Variants in TJP2 observed in about 807,000 individuals in gnomAD.
TJP2 encodes tight junction protein 2.
In TJP2, 91 loss-of-function variants were observed where a neutral mutation model predicts 133.1. The observed-to-expected ratio is 0.68, with a 90% confidence interval of 0.58 to 0.81. The LOEUF (loss-of-function observed/expected upper bound fraction) is 0.81. Ranked by LOEUF, TJP2 falls within the 40% of genes least tolerant of loss-of-function variation. The pLI, the probability that TJP2 is intolerant of heterozygous loss-of-function variation, is 0.00. For synonymous variants in TJP2, 592 were observed against 583.4 expected (o/e 1.01, Z -0.21); for missense variants, 1,541 against 1,565.6 (o/e 0.98, Z 0.26).
chr9:69,155,826 C>T (rs975112608), intron 2 of TJP2, among the ~76,000 whole-genome samples: 4 of 152,134 alleles, frequency 2.6e-5, no homozygotes, highest in African/African-American at 9.7e-5. Flanking sequence ...GGCAGAAGGC[C>T]TGAAGCAGTG....
intron 1 of TJP2, among the ~76,000 whole-genome samples, chr9:69,203,844 C>T (rs11145662): frequency 6.6e-6 from 1 of 151,980 alleles, no homozygotes; most frequent in African/African-American, 2.4e-5. Flanking sequence ...GAACTTCTGG[C>T]TCAAGCGATC....
At position 69,238,731 on chromosome 9, in the gene TJP2, G is replaced by T. The variant is rs1272933589; in HGVS notation, c.2297G>T (p.Gly766Val). 1.2e-6 allele frequency: 2 copies of T among 1,613,850 alleles called. No individual in the cohort carries two copies. The highest frequency in any genetic ancestry group is 1.7e-6 in the Non-Finnish European group (2 of 1,179,920). The change falls in exon 16 of 23, where the codon GGA (glycine) becomes GTA (valine). Residue 766 changes from glycine (G) to valine (V), a missense_variant. Physicochemically the swap from Gly to Val is moderately radical, Grantham distance 109. Transcript: ENST00000377245. The part of the protein sequence containing the change: ...QTAKTEPKDA[G>V]SEKSTGVVRL... ...GCAGAAACGGAACCAAAAGATGCAGGATCTGAGAAATCCACTGGAGTGGTC... is the reference window on the plus strand; with the variant it reads ...GCAGAAACGGAACCAAAAGATGCAGTATCTGAGAAATCCACTGGAGTGGTC...
chr9:69,233,482 A>G (rs1829940132), intron 11 of TJP2, among the ~76,000 whole-genome samples: 2 of 152,210 alleles, frequency 1.3e-5, no homozygotes, highest in Non-Finnish European at 2.9e-5. Flanking sequence ...TGAAAGATAC[A>G]GAACTATGGG....
rs12343308 is a variant in TJP2 at position 69,168,292 on chromosome 9, C to T, written c.-10+16521C>T. ...ATAAAGTCAGCTTTGTTCTCTATTTCTAGAACCATCATGTATTGGAATGAG... is the reference window on the plus strand; with the variant it reads ...ATAAAGTCAGCTTTGTTCTCTATTTTTAGAACCATCATGTATTGGAATGAG... On this transcript the variant is annotated intron_variant, in intron 2 of 5. Coordinates refer to the TJP2 transcript ENST00000423935. Among the ~76,000 whole-genome samples the T allele has an allele frequency of 9.4e-3, 1,426 of 152,198 alleles. 30 individuals are homozygous for T. Among genetic ancestry groups the T allele is most frequent in the African/African-American group, 0.031 (1,306 of 41,514 alleles).
intron 1 of TJP2, among the ~76,000 whole-genome samples, chr9:69,139,232 CCAAA>C (rs1822909909): frequency 6.6e-6 from 1 of 152,104 alleles, no homozygotes; most frequent in Admixed American, 6.6e-5. Context: ...AACCAACCAA[CCAAA>C]CAAAATGTTT....
chr9:69,210,794 T>C (rs969459221), intron 1 of TJP2, among the ~76,000 whole-genome samples: 1 of 151,438 alleles, frequency 6.6e-6, no homozygotes, highest in African/African-American at 2.4e-5. Context: ...GGTCTCACTA[T>C]GTTGCTCAGG....
At chr9:69,213,884 T>G (rs547331716) in intron 2 of TJP2, among the ~76,000 whole-genome samples, 2 of 152,264 alleles carry the variant, frequency 1.3e-5, no homozygotes, top group South Asian at 4.1e-4. Context: ...TTCAAAGCCA[T>G]GTGATTAATA....
intron 13 of TJP2, among the ~76,000 whole-genome samples, chr9:69,236,574 C>T (rs1301147090): frequency 6.6e-6 from 1 of 152,142 alleles, no homozygotes; most frequent in Non-Finnish European, 1.5e-5. Context: ...GTCCGGTGCC[C>T]AGTCTCCATC....
At chr9:69,200,788 G>C (rs1391621688) in intron 1 of TJP2, among the ~76,000 whole-genome samples, 1 of 152,016 alleles carries the variant, frequency 6.6e-6, no homozygotes, top group African/African-American at 2.4e-5. Flanking sequence ...TACTAAGCTT[G>C]TTTCCCACCC....
chr9:69,215,989 G>C (rs924962806), intron 2 of TJP2, among the ~76,000 whole-genome samples: 6 of 152,264 alleles, frequency 3.9e-5, no homozygotes, highest in Non-Finnish European at 8.8e-5. Context: ...GTTCCAGCTC[G>C]GGCCAGCATG....
At chr9:69,195,321 G>A (rs1345951327) in intron 1 of TJP2, among the ~76,000 whole-genome samples, 1 of 152,060 alleles carries the variant, frequency 6.6e-6, no homozygotes, top group African/African-American at 2.4e-5. Flanking sequence ...CTTATTAATG[G>A]CTTCTTTGTA....
intron 1 of TJP2, 36 bp downstream of exon 1, chr9:69,174,468 G>GAGC (rs1564402229): frequency 6.6e-7 from 1 of 1,525,690 alleles, no homozygotes; most frequent in African/African-American, 1.4e-5. Flanking sequence ...TTGGGAGGAG[G>GAGC]GTCGTGAGCG....
Position 69,251,299 on chromosome 9 carries a change from GAGA to G in TJP2, c.3260_3262del (p.Lys1087del). 1.2e-6 allele frequency: 2 copies of G among 1,614,202 alleles called. No individual in the cohort carries two copies. The highest frequency in any genetic ancestry group is 1.7e-6 in the Non-Finnish European group (2 of 1,180,040). ...AGTCCTGGGCAAAGTCAAAATATTT[GAGA>G]AGATGGATCACAAGGCCAGGTTACA... On this transcript the variant is annotated inframe_deletion, in exon 21 of 23. Coordinates refer to ENST00000377245, the MANE Select transcript of TJP2 (RefSeq NM_004817.4).
At chr9:69,137,466 G>A (rs765198933) in intron 1 of TJP2, among the ~76,000 whole-genome samples, 5 of 150,762 alleles carry the variant, frequency 3.3e-5, no homozygotes, top group African/African-American at 7.3e-5. Flanking sequence ...AGGCTCAAAC[G>A]ATCCTCTCGC....
intron 5 of TJP2, among the ~76,000 whole-genome samples, chr9:69,222,051 T>C (rs750785783): frequency 2.4e-4 from 37 of 151,754 alleles, no homozygotes; most frequent in Non-Finnish European, 5.0e-4. Context: ...TTTTTATTTT[T>C]AGTAGAGACG....
At chr9:69,178,979 T>TA (rs1025969880) in intron 1 of TJP2, among the ~76,000 whole-genome samples, 1 of 151,476 alleles carries the variant, frequency 6.6e-6, no homozygotes, top group African/African-American at 2.4e-5. Context: ...TTTTCTTATT[T>TA]TTTTTTTAAT....
At chr9:69,246,208 A>G (rs1480798565) in intron 17 of TJP2, 1 of 196,912 alleles carries the variant, frequency 5.1e-6, no homozygotes, top group Non-Finnish European at 1.1e-5. Context: ...GGATTTTGGT[A>G]TCCAAGTGGG....
At chr9:69,186,995 TG>T (rs1270796220) in intron 1 of TJP2, among the ~76,000 whole-genome samples, 1 of 152,186 alleles carries the variant, frequency 6.6e-6, no homozygotes, top group East Asian at 1.9e-4. Flanking sequence ...GAAACAGGAC[TG>T]GGCTAAAAAT....
intron 13 of TJP2, among the ~76,000 whole-genome samples, chr9:69,236,473 C>G (rs1432846418): frequency 6.6e-6 from 1 of 152,108 alleles, no homozygotes. Context: ...GAACAACTTC[C>G]TAAGGAGCAT....
Sources: gnomAD v4.1 joint callset for allele counts (sites outside exome capture counted in the v4.1 genomes callset) on GRCh38, gnomAD v4.1.1 for gene constraint, MANE v1.5 for transcripts, NCBI Gene and HGNC (gene_info 2026-07-23, HGNC 2026-07-21) for gene names.